Variants in LGSN observed in about 807,000 individuals in gnomAD.
The protein encoded by LGSN is lengsin, lens protein with glutamine synthetase domain.
Under a neutral mutation model 19.5 loss-of-function variants are expected in LGSN, and 21 were observed. The observed-to-expected ratio is 1.07, with a 90% CI of 0.76 to 1.55. The LOEUF is 1.55. Among genes scored for constraint, LGSN ranks in the 40% most tolerant of loss-of-function variants. The pLI is 0.00. For synonymous variants in LGSN, 257 were observed against 215.6 expected, an observed-to-expected ratio of 1.19 and a Z score of -1.68; for missense variants, 673 against 608.5, an observed-to-expected ratio of 1.11 and a Z score of -1.12.
chr6:63,488,485 C>T, the LGSN span, among the ~76,000 whole-genome samples: 1 of 152,138 alleles, frequency 6.6e-6, no homozygotes, highest in Admixed American at 6.6e-5. Flanking sequence ...CTTTTCCTGC[C>T]TTCCTTTCAG....
the LGSN span, among the ~76,000 whole-genome samples, chr6:63,492,353 A>G: frequency 7.1e-6 from 1 of 140,652 alleles, no homozygotes; most frequent in African/African-American, 2.4e-5. Context: ...TTATTAGTCT[A>G]GGACAAATTA....
the LGSN span, chr6:63,548,630 CA>C: frequency 5.7e-5 from 22 of 388,714 alleles, no homozygotes; most frequent in South Asian, 6.4e-4. Context: ...AATGTAAACA[CA>C]ACCCTGATTT....
At chr6:63,535,331 T>C in the LGSN span, among the ~76,000 whole-genome samples, 1 of 151,928 alleles carries the variant, frequency 6.6e-6, no homozygotes, top group Non-Finnish European at 1.5e-5. Flanking sequence ...CCAGGCATAG[T>C]GGCATGCTTG....
chr6:63,569,704 A>G, the LGSN span, among the ~76,000 whole-genome samples: 4 of 152,316 alleles, frequency 2.6e-5, no homozygotes, highest in African/African-American at 7.2e-5. Context: ...TCCAGCTGAG[A>G]ATCTTGTTTA....
chr6:63,489,258 A>G, the LGSN span, among the ~76,000 whole-genome samples: 1 of 152,246 alleles, frequency 6.6e-6, no homozygotes, highest in East Asian at 1.9e-4. Context: ...TGCTAAAGAG[A>G]TAAGAGTAGC....
At chr6:63,540,822 C>A in the LGSN span, among the ~76,000 whole-genome samples, 3 of 149,770 alleles carry the variant, frequency 2.0e-5, no homozygotes, top group Admixed American at 1.3e-4. Context: ...AATGGTGAAA[C>A]GCCATCTCTG....
At chr6:63,426,502 GATTTATTTATTT>G in the LGSN span, among the ~76,000 whole-genome samples, 1 of 151,742 alleles carries the variant, frequency 6.6e-6, no homozygotes, top group African/African-American at 2.4e-5. Flanking sequence ...AAGTTATTTA[GATTTATTTATTT>G]ATTTATTTAT....
the LGSN span, among the ~76,000 whole-genome samples, chr6:63,491,757 G>A: frequency 7.2e-5 from 11 of 152,168 alleles, no homozygotes; most frequent in African/African-American, 2.4e-5. Context: ...GTGGCCGGGC[G>A]CGGTGGCTCA....
At chr6:63,566,284 A>T in the LGSN span, among the ~76,000 whole-genome samples, 1 of 152,236 alleles carries the variant, frequency 6.6e-6, no homozygotes, top group Non-Finnish European at 1.5e-5. Context: ...GTTGCAATGT[A>T]TTATTGTGAT....
the LGSN span, among the ~76,000 whole-genome samples, chr6:63,420,901 A>G: frequency 6.6e-6 from 1 of 152,186 alleles, no homozygotes; most frequent in African/African-American, 2.4e-5. Context: ...ATCTCAGCAA[A>G]GAAATCAAAA....
the LGSN span, among the ~76,000 whole-genome samples, chr6:63,327,949 A>C: frequency 6.6e-6 from 1 of 152,316 alleles, no homozygotes; most frequent in East Asian, 1.9e-4. Flanking sequence ...CAGTAACTCC[A>C]TAACTTCCCT....
At chr6:63,474,887 C>CAA in the LGSN span, among the ~76,000 whole-genome samples, 22 of 110,568 alleles carry the variant, frequency 2.0e-4, no homozygotes, top group African/African-American at 6.1e-4. Flanking sequence ...GACTCCGTCT[C>CAA]AAAAAAAAAA....
At chr6:63,425,493 A>C in the LGSN span, among the ~76,000 whole-genome samples, 1 of 152,258 alleles carries the variant, frequency 6.6e-6, no homozygotes, top group Non-Finnish European at 1.5e-5. Context: ...TCTCCAGATA[A>C]TACTACTTAG....
At chr6:63,291,359 G>A (rs1237741017) in intron 2 of LGSN, among the ~76,000 whole-genome samples, 2 of 152,146 alleles carry the variant, frequency 1.3e-5, no homozygotes, top group African/African-American at 4.8e-5. Context: ...TGGACTAGAA[G>A]GATGGTGAAT....
chr6:63,309,868 G>T (rs1768553396), intron 1 of LGSN, among the ~76,000 whole-genome samples: 1 of 152,102 alleles, frequency 6.6e-6, no homozygotes, highest in Admixed American at 6.5e-5. Flanking sequence ...CATTCTCTGT[G>T]CATCCAATGT....
the LGSN span, among the ~76,000 whole-genome samples, chr6:63,363,356 C>T: frequency 6.6e-5 from 10 of 152,122 alleles, no homozygotes; most frequent in African/African-American, 1.7e-4. Context: ...ATGACTTTGA[C>T]GAGTTGAGAG....
the LGSN span, among the ~76,000 whole-genome samples, chr6:63,519,789 A>T: frequency 6.6e-6 from 1 of 152,244 alleles, no homozygotes; most frequent in Non-Finnish European, 1.5e-5. Context: ...TTGCAAATAA[A>T]CCAATAAGAA....
chr6:63,343,665 A>AT, the LGSN span, among the ~76,000 whole-genome samples: 1 of 152,230 alleles, frequency 6.6e-6, no homozygotes, highest in Non-Finnish European at 1.5e-5. Flanking sequence ...CTAAAGAGAG[A>AT]TCCCCCAAGA....
the LGSN span, among the ~76,000 whole-genome samples, chr6:63,404,879 T>C: frequency 1.3e-5 from 2 of 152,052 alleles, no homozygotes; most frequent in Non-Finnish European, 2.9e-5. Flanking sequence ...TATGTATACA[T>C]GTGCCATGCT....
Sources: gnomAD v4.1 joint callset for allele counts (sites outside exome capture counted in the v4.1 genomes callset) on GRCh38, gnomAD v4.1.1 for gene constraint, MANE v1.5 for transcripts, NCBI Gene and HGNC (gene_info 2026-07-23, HGNC 2026-07-21) for gene names.